SMG6: variants seen among roughly 807,000 people sequenced by gnomAD.
SMG6 encodes the protein SMG6 nonsense mediated mRNA decay factor, also known as telomerase-binding protein EST1A.
SMG6 carries 66 observed loss-of-function variants against 142.2 expected under a neutral mutation model. The observed-to-expected ratio is 0.46, with a 90% CI of 0.38 to 0.57. The LOEUF (loss-of-function observed/expected upper bound fraction) is 0.57, where lower values mean the gene tolerates loss of function less well. SMG6 is among the 20% of genes least tolerant of loss of function. SMG6 has a pLI of 0.00. For synonymous variants in SMG6, 779 were observed against 702.4 expected (o/e 1.11, Z -1.72); for missense variants, 1,793 against 1,832.0 (o/e 0.98, Z 0.39).
In SMG6 at chr17:2,299,721, T is replaced by C; in HGVS notation, c.1032A>G (p.Lys344=). ...TGACACGAAGAGTGCCTCGATATTCTTTAGCACTGTTTTTCTGCTCACCCT... is the reference window on the plus strand; with the variant it reads ...TGACACGAAGAGTGCCTCGATATTCCTTAGCACTGTTTTTCTGCTCACCCT... ...RGEGEQKNSA[K]EYRGTLRVTF... The change falls in exon 2 of 19, where the codon AAA becomes AAG. Residue 344 remains lysine (K), a synonymous_variant. Transcript: ENST00000263073. This position sits in a 1 kb window ranked among gnomAD's most constrained non-coding sequence, Gnocchi z 4.3. 1 of 1,614,216 alleles carries C rather than the reference T, an allele frequency of 6.2e-7. No homozygotes were observed. The highest frequency in any genetic ancestry group is 8.5e-7 in the Non-Finnish European group (1 of 1,180,032).
intron 10 of SMG6, among the ~76,000 whole-genome samples, chr17:2,230,375 C>T (rs574196400): frequency 8.3e-5 from 8 of 96,552 alleles, no homozygotes; most frequent in African/African-American, 2.9e-4. Context: ...AGCTATAAAA[C>T]GGCAAAAGAA....
chr17:2,186,912 G>C, intron 11 of SMG6, 81 bp from the exon 12 acceptor site: 1 of 1,486,528 alleles, frequency 6.7e-7, no homozygotes, highest in South Asian at 1.3e-5. Context: ...ACGGCAGCAA[G>C]CTCTTAGGGA....
At chr17:2,222,752 C>G (rs1178765901) in intron 10 of SMG6, among the ~76,000 whole-genome samples, 1 of 152,106 alleles carries the variant, frequency 6.6e-6, no homozygotes, top group Non-Finnish European at 1.5e-5. Flanking sequence ...AGTTTCAAGA[C>G]TTTCTTTCCA....
At chr17:2,241,787 G>A (rs2073808008) in intron 9 of SMG6, among the ~76,000 whole-genome samples, 1 of 152,224 alleles carries the variant, frequency 6.6e-6, no homozygotes, top group Non-Finnish European at 1.5e-5. Context: ...GGGGAAATCA[G>A]GGTGTTTAGC....
intron 13 of SMG6, among the ~76,000 whole-genome samples, chr17:2,168,621 T>A (rs1023215133): frequency 6.6e-6 from 1 of 152,172 alleles, no homozygotes; most frequent in Admixed American, 6.5e-5. Context: ...TTGAAGGGTG[T>A]GGCTCACACC....
At chr17:2,098,255 G>A (rs1030810403) in intron 13 of SMG6, among the ~76,000 whole-genome samples, 12 of 152,082 alleles carry the variant, frequency 7.9e-5, no homozygotes, top group South Asian at 2.1e-4. Context: ...CAAAGTGTTC[G>A]GACTACAGGT....
chr17:2,233,447 G>A (rs1012022041), intron 10 of SMG6: 2 of 152,414 alleles, frequency 1.3e-5, no homozygotes, highest in African/African-American at 4.8e-5. Flanking sequence ...CTTGCTTCCT[G>A]GTTTCAGGCA....
At chr17:2,260,636 A>C (rs1391434175) in intron 8 of SMG6, among the ~76,000 whole-genome samples, 3 of 152,220 alleles carry the variant, frequency 2.0e-5, no homozygotes, top group South Asian at 2.1e-4. Flanking sequence ...ACTTCTTCCT[A>C]ATTTATTTAA....
At chr17:2,240,268 C>A (rs2073767328) in intron 9 of SMG6, 1 of 152,324 alleles carries the variant, frequency 6.6e-6, no homozygotes, top group Middle Eastern at 3.4e-3. Flanking sequence ...ACACCGGGAC[C>A]TAGGCCCAGG....
intron 13 of SMG6, among the ~76,000 whole-genome samples, chr17:2,124,287 T>A (rs2069799315): frequency 6.6e-6 from 1 of 152,110 alleles, no homozygotes; most frequent in African/African-American, 2.4e-5. Context: ...GGGGTGACAA[T>A]AAGGGTGGGG....
chr17:2,163,873 G>C (rs751418125), intron 13 of SMG6, among the ~76,000 whole-genome samples: 1 of 151,940 alleles, frequency 6.6e-6, no homozygotes, highest in Non-Finnish European at 1.5e-5. Context: ...GACCAGCCTG[G>C]GCAACAGGGT....
intron 13 of SMG6, among the ~76,000 whole-genome samples, chr17:2,159,453 A>G (rs546444450): frequency 3.3e-4 from 50 of 152,244 alleles, no homozygotes; most frequent in African/African-American, 1.1e-3. Context: ...AAAACCCTCC[A>G]AAAACATAAA....
chr17:2,205,069 G>C (rs938469936), intron 10 of SMG6, among the ~76,000 whole-genome samples: 4 of 151,404 alleles, frequency 2.6e-5, no homozygotes, highest in Admixed American at 2.6e-4. Context: ...TATGTATCTA[G>C]TTTTTGGTTT....
intron 10 of SMG6, among the ~76,000 whole-genome samples, chr17:2,201,641 T>G (rs1206989350): frequency 6.7e-6 from 1 of 149,882 alleles, no homozygotes; most frequent in Non-Finnish European, 1.5e-5. Flanking sequence ...ACCACGCCAC[T>G]GCACTACAGC....
chr17:2,214,528 C>G (rs1241193196), intron 10 of SMG6: 1 of 152,288 alleles, frequency 6.6e-6, no homozygotes, highest in African/African-American at 2.4e-5. Context: ...TACTCACATG[C>G]TGAGCCAGTC....
chr17:2,226,830 G>A (rs1357239883), intron 10 of SMG6, among the ~76,000 whole-genome samples: 1 of 150,590 alleles, frequency 6.6e-6, no homozygotes, highest in East Asian at 2.0e-4. Flanking sequence ...CCAGGAGGCG[G>A]AGGGTGCAGT....
Position 2,094,428 on chromosome 17 carries a change from G to C in SMG6, c.3358-8527C>G, listed in dbSNP as rs797010788. Reference sequence around the variant, plus strand: ...TAAGTTTTGTATATTTAGTAGGGATGGGGTTTCACCATATTGGCCAGGCTG... The same window carrying C: ...TAAGTTTTGTATATTTAGTAGGGATCGGGTTTCACCATATTGGCCAGGCTG... On this transcript the variant is annotated intron_variant, in intron 13 of 18. Coordinates refer to ENST00000263073, the MANE Select transcript of SMG6 (RefSeq NM_017575.5). 6.6e-5 allele frequency among the ~76,000 whole-genome samples: 10 copies of C among 152,206 alleles called. No homozygotes were observed. In the East Asian group the frequency reaches 1.4e-3, roughly 21 times the overall value.
chr17:2,260,786 G>C (rs1158841304), intron 8 of SMG6, among the ~76,000 whole-genome samples: 1 of 151,110 alleles, frequency 6.6e-6, no homozygotes, highest in African/African-American at 2.4e-5. Flanking sequence ...CCTGAGGTCA[G>C]GAGTTTGAGA....
intron 13 of SMG6, among the ~76,000 whole-genome samples, chr17:2,132,456 G>A (rs1017956901): frequency 6.6e-6 from 1 of 152,178 alleles, no homozygotes; most frequent in African/African-American, 2.4e-5. Context: ...GTTGTCTATG[G>A]GGAAGCGGTG....
Sources: gnomAD v4.1 joint callset for allele counts (sites outside exome capture counted in the v4.1 genomes callset) on GRCh38, gnomAD v4.1.1 for gene constraint, Gnocchi (gnomAD v3.1) non-coding constraint, MANE v1.5 for transcripts, NCBI Gene and HGNC (gene_info 2026-07-23, HGNC 2026-07-21) for gene names.